FLT4: variants seen among roughly 807,000 people sequenced by gnomAD.
FLT4 encodes the protein fms related receptor tyrosine kinase 4.
A neutral mutation model predicts 163.2 loss-of-function variants in FLT4; 30 were observed. That is an observed-to-expected ratio of 0.18 (90% CI 0.14 to 0.25). The LOEUF (loss-of-function observed/expected upper bound fraction) is 0.25. Among genes scored for constraint, FLT4 ranks in the 10% least tolerant of loss-of-function variants. The pLI, the probability that FLT4 is intolerant of heterozygous loss-of-function variation, is 1.00. For missense variants in FLT4, 1,510 were observed against 1,863.8 expected (o/e 0.81, Z 3.50); for synonymous variants, 884 against 789.5 (o/e 1.12, Z -2.01).
At chr5:180,647,464 G>A (rs1336515030) in intron 1 of FLT4, among the ~76,000 whole-genome samples, 1 of 152,092 alleles carries the variant, frequency 6.6e-6, no homozygotes, top group African/African-American at 2.4e-5. Context: ...GCAGAGGCAG[G>A]ACAAGAGTCT....
At position 180,620,321 on chromosome 5, in the gene FLT4, G is replaced by T. The variant is rs1236694072; in HGVS notation, c.2407-13C>A. On this transcript the variant is annotated splice_polypyrimidine_tract_variant and intron_variant, in intron 16 of 29. Transcript: ENST00000261937. This position sits in a 1 kb window ranked among gnomAD's most constrained non-coding sequence, Gnocchi z 4.4. ...CTGCGTGGGCCGGCTGCGGGGAGGG[G>T]ACAGGGAGGAGTGGGGCAGCTCACT... The T allele has an allele frequency of 1.9e-6, 3 of 1,609,918 alleles. No individual in the cohort carries two copies. The highest frequency in any genetic ancestry group is 2.5e-6 in the Non-Finnish European group (3 of 1,179,938).
At chr5:180,641,307 G>C (rs901630220) in intron 1 of FLT4, among the ~76,000 whole-genome samples, 1 of 152,204 alleles carries the variant, frequency 6.6e-6, no homozygotes, top group Admixed American at 6.5e-5. Context: ...CAACACAGCC[G>C]GCACAGGGAT....
chr5:180,621,159 T>G lies in FLT4; in HGVS notation c.2114A>C (p.His705Pro), dbSNP rs141371034. Residue 705 changes from histidine (H) to proline (P), a missense_variant, in exon 14 of 30, where the codon CAC (histidine) becomes CCC (proline). This residue lies in a region of FLT4 where 878 missense variants were observed against 1,016.7 expected (regional missense o/e 0.86). Coordinates refer to ENST00000261937, the MANE Select transcript of FLT4 (RefSeq NM_182925.5). ...TTTGTACCACACGATGCTGGGCGCGTGCGCTCCGGCCACCAAGCACTGCAT... is the reference window on the plus strand; with the variant it reads ...TTTGTACCACACGATGCTGGGCGCGGGCGCTCCGGCCACCAAGCACTGCAT... ...LEMQCLVAGA[H>P]APSIVWYKDE... is the part of the protein sequence containing the mutation. 6.2e-7 allele frequency: 1 copy of G among 1,612,776 alleles called. No individual in the cohort carries two copies. Among genetic ancestry groups the G allele is most frequent in the African/African-American group, 1.3e-5 (1 of 75,030 alleles).
chr5:180,606,435 C>T (rs779264354), intron 29 of FLT4, among the ~76,000 whole-genome samples: 21 of 152,182 alleles, frequency 1.4e-4, no homozygotes, highest in Admixed American at 6.5e-4. Context: ...TCTCCTCTCA[C>T]GGGACGGCCC....
intron 7 of FLT4, 27 bp downstream of exon 7, chr5:180,629,232 C>T: frequency 6.2e-7 from 1 of 1,612,386 alleles, no homozygotes; most frequent in Non-Finnish European, 8.5e-7. Context: ...CCACAGGGCA[C>T]AAGGACCCTG....
At chr5:180,604,140 G>C (rs538243476) in intron 29 of FLT4, among the ~76,000 whole-genome samples, 1 of 152,038 alleles carries the variant, frequency 6.6e-6, no homozygotes, top group African/African-American at 2.4e-5. Context: ...ACAGCAAAGC[G>C]GATCGATCTG....
intron 24 of FLT4, 44 bp from the exon 25 acceptor site, chr5:180,613,154 G>A (rs776480289): frequency 2.9e-5 from 42 of 1,440,076 alleles, no homozygotes; most frequent in Admixed American, 2.0e-4. Flanking sequence ...AGCCTCCTGC[G>A]GCTCAGCCCA....
Position 180,603,061 on chromosome 5 carries a change from T to G in FLT4, c.*131A>C. 1 of 893,240 alleles carries G rather than the reference T, an allele frequency of 1.1e-6. No individual in the cohort carries two copies. The allele number at this position is 893,240 out of a possible 1,614,324, so 55.3% of individuals were successfully genotyped here. ...TCCTGCTCTTCCTAGCTGGGAAGTC[T>G]GCAGAGAGGGAAGAGGACACTCCTG... is the stretch of plus-strand genomic sequence containing the variant. On this transcript the variant is annotated 3_prime_UTR_variant, in exon 30 of 30. Coordinates refer to ENST00000261937, the MANE Select transcript of FLT4 (RefSeq NM_182925.5).
At chr5:180,614,721 C>G (rs1325678709) in intron 23 of FLT4, among the ~76,000 whole-genome samples, 1 of 152,108 alleles carries the variant, frequency 6.6e-6, no homozygotes, top group East Asian at 1.9e-4. Context: ...ACCTCCACCC[C>G]AGCACCCCCA....
intron 27 of FLT4, among the ~76,000 whole-genome samples, chr5:180,610,934 G>A (rs2127790186): frequency 6.6e-6 from 1 of 152,338 alleles, no homozygotes; most frequent in African/African-American, 2.4e-5. Flanking sequence ...GCGGGTGCCT[G>A]TAGTCCCAGC....
chr5:180,643,399 T>C (rs1321886104), intron 1 of FLT4, among the ~76,000 whole-genome samples: 1 of 152,190 alleles, frequency 6.6e-6, no homozygotes, highest in Non-Finnish European at 1.5e-5. Flanking sequence ...GGATGCTTTC[T>C]GGCCGCAGAA....
chr5:180,616,581 A>T (rs1762709341), intron 22 of FLT4, 92 bp from the exon 23 acceptor site: 1 of 1,423,988 alleles, frequency 7.0e-7, no homozygotes, highest in Non-Finnish European at 9.8e-7. Flanking sequence ...AGCAGTGGGG[A>T]CCATGGGGAT....
chr5:180,649,878 G>A (rs1012041686), upstream of FLT4, among the ~76,000 whole-genome samples: 2 of 152,142 alleles, frequency 1.3e-5, no homozygotes, highest in African/African-American at 2.4e-5. Flanking sequence ...AATGCGGCAC[G>A]CGCTCTTTTC....
chr5:180,625,842 GGGACCTGAGGCTGGA>G lies in FLT4; in HGVS notation c.1421+12_1421+26del, dbSNP rs767664195. The stretch of plus-strand genomic sequence containing the variant: ...GAGGCTGGGGGCTGTGGCTGTGCAG[GGGACCTGAGGCTGGA>G]GCTGTACTCACAGACTACGCTGGGC... On this transcript the variant is annotated intron_variant, in intron 10 of 29. Coordinates refer to ENST00000261937, the MANE Select transcript of FLT4 (RefSeq NM_182925.5). 6.6e-7 allele frequency: 1 copy of G among 1,522,702 alleles called. No homozygotes were observed. Among genetic ancestry groups the G allele is most frequent in the East Asian group, 3.5e-5 (1 of 28,594 alleles). The allele number at this position is 1,522,702 out of a possible 1,614,324, so 94.3% of individuals were successfully genotyped here.
At chr5:180,626,939 T>C (rs1763666223) in intron 8 of FLT4, among the ~76,000 whole-genome samples, 1 of 152,250 alleles carries the variant, frequency 6.6e-6, no homozygotes, top group South Asian at 2.1e-4. Flanking sequence ...CTGACTGTCC[T>C]ATGCTGTGGC....
chr5:180,611,689 G>A, intron 26 of FLT4: 3 of 616,860 alleles, frequency 4.9e-6, no homozygotes, highest in South Asian at 1.9e-5. Context: ...CTGAGATAGG[G>A]CCCTAACAGA....
intron 24 of FLT4, chr5:180,613,779 C>T (rs2127796856): frequency 2.0e-6 from 1 of 489,798 alleles, no homozygotes; most frequent in East Asian, 3.8e-5. Context: ...CGTCTGCTGA[C>T]TGGGCACTGA....
At chr5:180,647,009 T>G (rs1399189595) in intron 1 of FLT4, among the ~76,000 whole-genome samples, 6 of 152,050 alleles carry the variant, frequency 3.9e-5, no homozygotes, top group Non-Finnish European at 8.8e-5. Context: ...CCAAGTAAAG[T>G]GGGCCTGATC....
chr5:180,608,838 G>A (rs967831277), intron 29 of FLT4, 130 bp downstream of exon 29: 11 of 796,868 alleles, frequency 1.4e-5, no homozygotes, highest in Admixed American at 7.3e-5. Flanking sequence ...CACCTTGAAC[G>A]CGCGAAAAGG....
Sources: gnomAD v4.1 joint callset for allele counts (sites outside exome capture counted in the v4.1 genomes callset) on GRCh38, gnomAD v4.1.1 for gene constraint, gnomAD v4.1.1 regional missense constraint, Gnocchi (gnomAD v3.1) non-coding constraint, MANE v1.5 for transcripts, NCBI Gene and HGNC (gene_info 2026-07-23, HGNC 2026-07-21) for gene names.